STAU2: variants seen among roughly 807,000 people sequenced by gnomAD.
The protein encoded by STAU2 is staufen double-stranded RNA binding protein 2.
A neutral mutation model predicts 65.9 loss-of-function variants in STAU2; 20 were observed. The observed-to-expected ratio is 0.30, with a 90% CI of 0.21 to 0.44. The LOEUF is 0.44. Ranked by LOEUF, STAU2 falls within the 20% of genes least tolerant of loss-of-function variation. STAU2 has a pLI of 1.00. For synonymous variants in STAU2, 232 were observed against 233.9 expected (o/e 0.99, Z 0.07); for missense variants, 558 against 683.9 (o/e 0.82, Z 2.05).
chr8:73,713,009 C>A (rs1024339038), intron 3 of STAU2, among the ~76,000 whole-genome samples: 3 of 152,232 alleles, frequency 2.0e-5, no homozygotes, highest in East Asian at 1.9e-4. Flanking sequence ...ATTTTTTCCA[C>A]TGACTTATAA....
In STAU2 at chr8:73,421,401, C is replaced by T. The variant is rs1346378447; in HGVS notation, c.1684G>A (p.Asp562Asn). Reference sequence around the variant, plus strand: ...ACGGCCGAGTTTGATTTCTTGCAGTCCTGAGCGATGGAGCCCGGGGGTGCC... The same window carrying T: ...ACGGCCGAGTTTGATTTCTTGCAGTTCTGAGCGATGGAGCCCGGGGGTGCC... Reference protein sequence around the residue: ...NQAPPGSIAQDCKKSNSAV With the variant: ...NQAPPGSIAQNCKKSNSAV The change falls in exon 15 of 15, where the codon GAC becomes AAC. Residue 562 changes from aspartate (D) to asparagine (N), a missense_variant. Transcript: ENST00000524300. 6.5e-7 allele frequency: 1 copy of T among 1,537,220 alleles called. No homozygotes were observed. Among genetic ancestry groups the T allele is most frequent in the Non-Finnish European group, 8.7e-7 (1 of 1,146,902 alleles).
At chr8:73,632,714 G>A (rs983347835) in intron 6 of STAU2, among the ~76,000 whole-genome samples, 1 of 152,096 alleles carries the variant, frequency 6.6e-6, no homozygotes, top group Non-Finnish European at 1.5e-5. Flanking sequence ...AAGAAATTCT[G>A]GCCAGAAACT....
intron 3 of STAU2, among the ~76,000 whole-genome samples, chr8:73,717,199 C>T (rs188831894): frequency 9.7e-4 from 147 of 152,216 alleles, no homozygotes; most frequent in South Asian, 8.9e-3. Context: ...GGAATCACTA[C>T]GAAAAAAATA....
At chr8:73,621,411 C>G (rs1813223943) in intron 6 of STAU2, among the ~76,000 whole-genome samples, 1 of 152,156 alleles carries the variant, frequency 6.6e-6, no homozygotes, top group Non-Finnish European at 1.5e-5. Context: ...TTATAAATCA[C>G]CCAGTTCAGT....
chr8:73,560,328 C>G lies in STAU2; in HGVS notation c.1223-8009G>C, dbSNP rs143953676. Among the ~76,000 whole-genome samples the G allele has an allele frequency of 1.8e-3, 272 of 152,166 alleles. 1 individual carries two copies. Among genetic ancestry groups the G allele is most frequent in the Middle Eastern group, 3.4e-3 (1 of 294 alleles). On this transcript the variant is annotated intron_variant, in intron 12 of 14. Transcript: ENST00000524300. ...ATCTCCTGACCTCGTGATCCGCCCACCTCGGCCTCCCAAAGTGCTGGGATT... is the reference window on the plus strand; with the variant it reads ...ATCTCCTGACCTCGTGATCCGCCCAGCTCGGCCTCCCAAAGTGCTGGGATT...
chr8:73,651,522 C>T, intron 6 of STAU2: 1 of 808,166 alleles, frequency 1.2e-6, no homozygotes, highest in South Asian at 1.3e-5. Flanking sequence ...GCTTTCCACT[C>T]ACCGTCTTCT....
At chr8:73,507,429 A>G (rs1822131348) in intron 13 of STAU2, among the ~76,000 whole-genome samples, 1 of 150,492 alleles carries the variant, frequency 6.6e-6, no homozygotes, top group African/African-American at 2.4e-5. Context: ...TTTTGAAAGA[A>G]GCCCTTTTTT....
chr8:73,684,397 G>A (rs1818647733), intron 5 of STAU2, among the ~76,000 whole-genome samples: 1 of 152,112 alleles, frequency 6.6e-6, no homozygotes, highest in African/African-American at 2.4e-5. Context: ...TGGGATAATT[G>A]GCAAGTCACA....
At chr8:73,615,594 A>G (rs887257747) in intron 8 of STAU2, 81 bp downstream of exon 8, 3 of 1,012,892 alleles carry the variant, frequency 3.0e-6, no homozygotes, top group Admixed American at 3.5e-5. Flanking sequence ...GCAGGATACT[A>G]ATACACCAGT....
chr8:73,739,743 T>A lies in STAU2; in HGVS notation c.-84+13A>T, dbSNP rs1440758047. The A allele has an allele frequency of 6.0e-6, 9 of 1,499,932 alleles. No individual in the cohort carries two copies. The highest frequency in any genetic ancestry group is 7.9e-6 in the Non-Finnish European group (9 of 1,132,970). 92.9% of individuals were successfully genotyped at this position (1,499,932 alleles called of 1,614,324 possible). A position where few individuals can be genotyped will look rare whatever the true frequency, so the allele number is the denominator to read the frequency against. ...TGGTGAATTTGAGTTTTAGTCAAAG[T>A]TCTTCAGATTACCTTCTGAGCCTTG... On this transcript the variant is annotated intron_variant, in intron 2 of 14. Coordinates refer to ENST00000524300, the MANE Select transcript of STAU2 (RefSeq NM_001164380.2).
At chr8:73,468,701 A>G (rs1426842348) in intron 13 of STAU2, among the ~76,000 whole-genome samples, 2 of 152,370 alleles carry the variant, frequency 1.3e-5, no homozygotes, top group Middle Eastern at 3.4e-3. Flanking sequence ...GACATATGAA[A>G]AAATGCTCAT....
chr8:73,615,487 A>G (rs1812765091), intron 8 of STAU2, among the ~76,000 whole-genome samples, 188 bp downstream of exon 8: 1 of 152,232 alleles, frequency 6.6e-6, no homozygotes, highest in Non-Finnish European at 1.5e-5. Context: ...GAAAAAAATC[A>G]GAAGGAATCT....
chr8:73,645,912 T>C lies in STAU2; in HGVS notation c.410+27195A>G, dbSNP rs373781910. ...CAAGGGGATGGTGCTAAACCATTCATGAGAAACCATCCCCATGATCCAATC... is the reference window on the plus strand; with the variant it reads ...CAAGGGGATGGTGCTAAACCATTCACGAGAAACCATCCCCATGATCCAATC... On this transcript the variant is annotated intron_variant, in intron 6 of 14. Transcript: ENST00000524300. 2.4e-4 allele frequency among the ~76,000 whole-genome samples: 37 copies of C among 152,248 alleles called. No homozygotes were observed. In the South Asian group the frequency reaches 6.8e-3, roughly 28 times the overall value.
chr8:73,454,342 G>A (rs891610207), intron 13 of STAU2, among the ~76,000 whole-genome samples: 1 of 152,096 alleles, frequency 6.6e-6, no homozygotes, highest in East Asian at 1.9e-4. Context: ...ATTTCTTCTT[G>A]GATTATCTTA....
intron 12 of STAU2, among the ~76,000 whole-genome samples, chr8:73,573,583 C>A (rs907290885): frequency 3.9e-5 from 6 of 152,156 alleles, no homozygotes; most frequent in African/African-American, 1.2e-4. Flanking sequence ...GAACAGAGCC[C>A]TCAGAAATAA....
At chr8:73,505,455 C>T (rs562185605) in intron 13 of STAU2, among the ~76,000 whole-genome samples, 3 of 152,086 alleles carry the variant, frequency 2.0e-5, no homozygotes, top group South Asian at 2.1e-4. Flanking sequence ...AGAGGTTGGA[C>T]GGAGTACCAC....
intron 11 of STAU2, among the ~76,000 whole-genome samples, chr8:73,592,876 A>T (rs1026228570): frequency 6.6e-6 from 1 of 152,028 alleles, no homozygotes; most frequent in Admixed American, 6.6e-5. Flanking sequence ...CAACAAAAAA[A>T]TCCTGTTTTT....
chr8:73,431,319 T>C (rs1817269904), intron 13 of STAU2, among the ~76,000 whole-genome samples: 1 of 151,718 alleles, frequency 6.6e-6, no homozygotes, highest in Non-Finnish European at 1.5e-5. Flanking sequence ...CTAACTGGAA[T>C]CTTAAACTCA....
chr8:73,709,779 T>C (rs1477499432), intron 3 of STAU2, among the ~76,000 whole-genome samples: 6 of 152,044 alleles, frequency 3.9e-5, no homozygotes, highest in Admixed American at 2.0e-4. Context: ...GTTCCATGTT[T>C]AACTCTTATT....
Sources: allele counts gnomAD v4.1 joint callset (sites outside exome capture counted in the v4.1 genomes callset), GRCh38; gene constraint gnomAD v4.1.1; transcripts MANE v1.5; gene names NCBI Gene and HGNC (gene_info 2026-07-23, HGNC 2026-07-21).